Variants in ZMIZ1 observed in about 807,000 individuals in gnomAD.
ZMIZ1 encodes the protein zinc finger MIZ domain-containing protein 1.
A neutral mutation model predicts 113.9 loss-of-function variants in ZMIZ1; 17 were observed. The observed-to-expected ratio is 0.15, with a 90% CI of 0.10 to 0.22. The LOEUF is 0.22. ZMIZ1 is among the 10% of genes least tolerant of loss of function. The pLI is 1.00. For missense variants in ZMIZ1, 1,059 were observed against 1,477.8 expected, an observed-to-expected ratio of 0.72 and a Z score of 4.65; for synonymous variants, 607 against 603.1, an observed-to-expected ratio of 1.01 and a Z score of -0.09.
chr10:79,114,051 C>T (rs2132304205), intron 1 of ZMIZ1, among the ~76,000 whole-genome samples: 1 of 152,274 alleles, frequency 6.6e-6, no homozygotes, highest in African/African-American at 2.4e-5. Context: ...GGACTCCTAC[C>T]CCCGATCCCC....
At chr10:79,272,991 G>A (rs1852044935) in intron 7 of ZMIZ1, among the ~76,000 whole-genome samples, 1 of 152,238 alleles carries the variant, frequency 6.6e-6, no homozygotes, top group East Asian at 1.9e-4. Context: ...ATGGGGCTTG[G>A]TGAGGAGCCT....
At chr10:79,150,422 G>A (rs930757005) in intron 3 of ZMIZ1, among the ~76,000 whole-genome samples, 3 of 152,350 alleles carry the variant, frequency 2.0e-5, no homozygotes, top group Non-Finnish European at 1.5e-5. Context: ...GCCCACGCCC[G>A]TCCTGCACCC....
chr10:79,138,090 G>C (rs1259983421), intron 2 of ZMIZ1, among the ~76,000 whole-genome samples: 1 of 152,160 alleles, frequency 6.6e-6, no homozygotes, highest in Non-Finnish European at 1.5e-5. Flanking sequence ...TGGGCCAGGG[G>C]CCCAGCCAGG....
intron 1 of ZMIZ1, among the ~76,000 whole-genome samples, chr10:79,080,765 C>A (rs959023849): frequency 1.3e-4 from 20 of 151,992 alleles, no homozygotes; most frequent in Admixed American, 2.0e-4. Context: ...CAGGACTGAC[C>A]CCTTTAGGCA....
intron 4 of ZMIZ1, among the ~76,000 whole-genome samples, chr10:79,193,220 GT>G (rs778796516): frequency 3.3e-5 from 5 of 152,180 alleles, no homozygotes; most frequent in African/African-American, 4.8e-5. Context: ...TTCATACTAT[GT>G]TTAAAACAAT....
At chr10:79,108,929 G>A (rs532225787) in intron 1 of ZMIZ1, among the ~76,000 whole-genome samples, 4 of 151,966 alleles carry the variant, frequency 2.6e-5, no homozygotes, top group Non-Finnish European at 4.4e-5. Context: ...CCAGACCCAC[G>A]CCTGAGTGGG....
At chr10:79,098,741 G>A (rs1045312501) in intron 1 of ZMIZ1, among the ~76,000 whole-genome samples, 8 of 152,244 alleles carry the variant, frequency 5.3e-5, no homozygotes, top group Non-Finnish European at 8.8e-5. Flanking sequence ...CTGAGGCTGC[G>A]GTTGAGAAGC....
intron 18 of ZMIZ1, 50 bp from the exon 19 acceptor site, chr10:79,303,965 C>G (rs1854510864): frequency 6.2e-7 from 1 of 1,610,422 alleles, no homozygotes; most frequent in Non-Finnish European, 8.5e-7. Flanking sequence ...CCCCCTACCT[C>G]TGCAGGACTG....
At chr10:79,268,259 G>A (rs373032636) in intron 7 of ZMIZ1, among the ~76,000 whole-genome samples, 25 of 152,324 alleles carry the variant, frequency 1.6e-4, no homozygotes, top group South Asian at 2.1e-4. Context: ...CCTGTTCCCC[G>A]TGACTGGGGT....
intron 7 of ZMIZ1, among the ~76,000 whole-genome samples, chr10:79,243,347 T>TCGGCGGCGG (rs543235060): frequency 2.0e-5 from 3 of 149,452 alleles, no homozygotes; most frequent in Non-Finnish European, 4.5e-5. Context: ...GGCTGCCTCC[T>TCGGCGGCGG]CGGCGGCGGC....
At chr10:79,170,850 G>A (rs1292963048) in intron 4 of ZMIZ1, among the ~76,000 whole-genome samples, 1 of 152,114 alleles carries the variant, frequency 6.6e-6, no homozygotes, top group African/African-American at 2.4e-5. Flanking sequence ...CAACCCATGC[G>A]GCCCACCATG....
intron 17 of ZMIZ1, 101 bp downstream of exon 17, chr10:79,301,043 C>T: frequency 6.7e-7 from 1 of 1,486,348 alleles, no homozygotes; most frequent in Non-Finnish European, 9.0e-7. Context: ...CAGCCTTGTC[C>T]CTGCGTCACC....
rs559183077 is a variant in ZMIZ1, at chr10:79,073,791, C to T, written c.-337+4521C>T. On this transcript the variant is annotated intron_variant, in intron 1 of 24. Coordinates refer to ENST00000334512, the MANE Select transcript of ZMIZ1 (RefSeq NM_020338.4). ...TTGCCTCTGGGCACTTTCCTTGGAG[C>T]GGGGTATGAGAAGGAAGGGGGTGCG... Among the ~76,000 whole-genome samples the T allele has an allele frequency of 5.4e-5, 8 of 148,192 alleles. No individual in the cohort carries two copies. The East Asian group carries it at 1.2e-3, about 22-fold the overall frequency.
At chr10:79,163,695 G>A (rs1846204521) in intron 4 of ZMIZ1, among the ~76,000 whole-genome samples, 2 of 152,354 alleles carry the variant, frequency 1.3e-5, no homozygotes, top group African/African-American at 4.8e-5. Flanking sequence ...GCCAGGGGCG[G>A]GGCCCCAGGA....
intron 7 of ZMIZ1, among the ~76,000 whole-genome samples, chr10:79,222,408 C>G (rs1849016022): frequency 6.6e-6 from 1 of 152,192 alleles, no homozygotes; most frequent in African/African-American, 2.4e-5. Flanking sequence ...TGGAAACCAG[C>G]CCTGTGGACA....
chr10:79,238,674 T>A (rs761814410), intron 7 of ZMIZ1, among the ~76,000 whole-genome samples: 2 of 152,168 alleles, frequency 1.3e-5, no homozygotes, highest in Non-Finnish European at 2.9e-5. Context: ...GATCCTAGAC[T>A]CCCACCTTGG....
rs1436273772 is a variant in ZMIZ1, at chr10:79,069,490, C to A, written c.-337+220C>A. 6.6e-6 allele frequency among the ~76,000 whole-genome samples: 1 copy of A among 151,518 alleles called. No homozygotes were observed. The highest frequency in any genetic ancestry group is 2.4e-5 in the African/African-American group (1 of 41,334). On this transcript the variant is annotated intron_variant, in intron 1 of 24. Transcript: ENST00000334512. The surrounding 1 kb of genome is among the most constrained non-coding windows in gnomAD (Gnocchi z 4.6). ...CGGCGAGCTCCCGGCTGCGCGGAGC[C>A]GGCTTGGGCTGCGCGTGGGGGCCGG...
At chr10:79,249,598 G>A (rs1850420264) in intron 7 of ZMIZ1, among the ~76,000 whole-genome samples, 1 of 152,196 alleles carries the variant, frequency 6.6e-6, no homozygotes, top group African/African-American at 2.4e-5. Flanking sequence ...AGCCACACAT[G>A]TATTTAAATG....
intron 21 of ZMIZ1, 145 bp downstream of exon 21, chr10:79,305,746 A>T: frequency 1.2e-6 from 1 of 854,710 alleles, no homozygotes; most frequent in African/African-American, 1.7e-5. Context: ...TCTGTCCCTT[A>T]CCCTCGGGGG....
Sources: allele counts gnomAD v4.1 joint callset (sites outside exome capture counted in the v4.1 genomes callset), GRCh38; gene constraint gnomAD v4.1.1; non-coding constraint Gnocchi (gnomAD v3.1); transcripts MANE v1.5; gene names NCBI Gene and HGNC (gene_info 2026-07-23, HGNC 2026-07-21).